The following PTPRN2 variants were observed in gnomAD, a reference collection of about 807,000 sequenced individuals.
PTPRN2 encodes the protein receptor-type tyrosine-protein phosphatase N2.
PTPRN2 carries 74 observed loss-of-function variants against 118.8 expected under a neutral mutation model. The observed-to-expected ratio is 0.62, with a 90% CI of 0.52 to 0.76. PTPRN2 has a LOEUF of 0.76. Ranked by LOEUF, PTPRN2 falls within the 30% of genes least tolerant of loss-of-function variation. The pLI, the probability that PTPRN2 is intolerant of heterozygous loss-of-function variation, is 0.00. For missense variants in PTPRN2, 1,481 were observed against 1,394.4 expected, an observed-to-expected ratio of 1.06 and a Z score of -0.99; for synonymous variants, 641 against 608.0, an observed-to-expected ratio of 1.05 and a Z score of -0.80.
At chr7:157,895,192 G>A (rs987757584) in intron 12 of PTPRN2, among the ~76,000 whole-genome samples, 1 of 150,768 alleles carries the variant, frequency 6.6e-6, no homozygotes, top group Non-Finnish European at 1.5e-5. Flanking sequence ...AGAGGATCTG[G>A]ACGAGACCAT....
At chr7:158,350,251 G>A (rs557922918) in intron 2 of PTPRN2, among the ~76,000 whole-genome samples, 5 of 152,234 alleles carry the variant, frequency 3.3e-5, no homozygotes, top group African/African-American at 4.8e-5. Context: ...AACATCAGCC[G>A]GCACTTCCAT....
intron 12 of PTPRN2, among the ~76,000 whole-genome samples, chr7:157,770,445 A>C (rs965930399): frequency 1.3e-5 from 2 of 152,188 alleles, no homozygotes; most frequent in African/African-American, 2.4e-5. Context: ...GTTAAACCGG[A>C]GGCTTTCTGC....
At chr7:157,912,992 T>G (rs1342846019) in intron 11 of PTPRN2, among the ~76,000 whole-genome samples, 1 of 152,228 alleles carries the variant, frequency 6.6e-6, no homozygotes, top group Non-Finnish European at 1.5e-5. Context: ...GTTTTTGGAT[T>G]TTTGTTAAAA....
At chr7:158,278,129 C>T (rs1051019183) in intron 3 of PTPRN2, among the ~76,000 whole-genome samples, 1 of 152,292 alleles carries the variant, frequency 6.6e-6, no homozygotes, top group East Asian at 1.9e-4. Context: ...GCCTGCCCCA[C>T]CAGCCTCAGC....
chr7:157,941,088 CCCG>C (rs1800066351), intron 11 of PTPRN2, among the ~76,000 whole-genome samples: 2 of 64,144 alleles, frequency 3.1e-5, no homozygotes, highest in African/African-American at 1.3e-4. Flanking sequence ...AACACCCTCC[CCCG>C]TGACACTGCA....
chr7:158,333,602 A>G (rs1205129164), intron 2 of PTPRN2, among the ~76,000 whole-genome samples: 1 of 150,654 alleles, frequency 6.6e-6, no homozygotes, highest in Non-Finnish European at 1.5e-5. Flanking sequence ...ACACACCCAC[A>G]CTCTCACTAT....
chr7:157,602,692 C>A (rs1178757454), intron 16 of PTPRN2, among the ~76,000 whole-genome samples: 1 of 151,990 alleles, frequency 6.6e-6, no homozygotes, highest in East Asian at 1.9e-4. Flanking sequence ...TCAGTGGCCG[C>A]TGAGACCAGC....
chr7:158,147,562 C>A (rs750853398), intron 6 of PTPRN2, among the ~76,000 whole-genome samples: 15 of 124,544 alleles, frequency 1.2e-4, no homozygotes, highest in East Asian at 4.7e-4. Flanking sequence ...TTCCCCCTCA[C>A]TGACACCCCA....
chr7:158,093,778 T>C lies in PTPRN2; in HGVS notation c.1644-12401A>G, dbSNP rs1814404246. 6.6e-6 allele frequency among the ~76,000 whole-genome samples: 1 copy of C among 152,192 alleles called. No individual in the cohort carries two copies. The highest frequency in any genetic ancestry group is 2.1e-4 in the South Asian group (1 of 4,832). On this transcript the variant is annotated intron_variant, in intron 10 of 22. Transcript: ENST00000389418. This position sits in a 1 kb window ranked among gnomAD's most constrained non-coding sequence, Gnocchi z 4.4. Reference sequence around the variant, plus strand: ...TTCCTGCCTCTCGTACATGAGGCAATAACTTCCCAAAATATCTAGCCTAAG... The same window carrying C: ...TTCCTGCCTCTCGTACATGAGGCAACAACTTCCCAAAATATCTAGCCTAAG...
chr7:157,600,588 T>C (rs1278189512), intron 16 of PTPRN2, among the ~76,000 whole-genome samples: 2 of 152,202 alleles, frequency 1.3e-5, no homozygotes, highest in African/African-American at 4.8e-5. Context: ...TCTGTGTTTT[T>C]AGTAGAGATG....
intron 2 of PTPRN2, among the ~76,000 whole-genome samples, chr7:158,379,546 G>A (rs956103567): frequency 1.1e-4 from 16 of 151,862 alleles, no homozygotes; most frequent in Admixed American, 5.2e-4. Context: ...AAACAACTCC[G>A]AACTCAAACT....
At chr7:157,803,378 C>T (rs369267327) in intron 12 of PTPRN2, among the ~76,000 whole-genome samples, 4 of 152,210 alleles carry the variant, frequency 2.6e-5, no homozygotes, top group Non-Finnish European at 5.9e-5. Flanking sequence ...CCCTACCTTT[C>T]GTGGGCTGCC....
At chr7:157,669,527 C>A in intron 13 of PTPRN2, 1 of 490,236 alleles carries the variant, frequency 2.0e-6, no homozygotes. Context: ...CACGACGACA[C>A]CCAGTCAGGG....
At chr7:157,545,162 G>C (rs1397387742) in intron 22 of PTPRN2, among the ~76,000 whole-genome samples, 1 of 150,954 alleles carries the variant, frequency 6.6e-6, no homozygotes, top group Non-Finnish European at 1.5e-5. Context: ...GGTGTGTGCA[G>C]TGTGTGGCTG....
At chr7:157,798,335 AC>A (rs1360068491) in intron 12 of PTPRN2, among the ~76,000 whole-genome samples, 2 of 152,226 alleles carry the variant, frequency 1.3e-5, no homozygotes, top group Non-Finnish European at 1.5e-5. Flanking sequence ...TCTGAGACGA[AC>A]CTGTGATTTG....
At chr7:158,139,457 C>T in intron 6 of PTPRN2, among the ~76,000 whole-genome samples, 1 of 152,034 alleles carries the variant, frequency 6.6e-6, no homozygotes, top group South Asian at 2.1e-4. Flanking sequence ...CTCAGTCACC[C>T]CTGGGGCATC....
intron 1 of PTPRN2, among the ~76,000 whole-genome samples, chr7:158,499,763 T>C (rs1822212541): frequency 6.6e-6 from 1 of 151,772 alleles, no homozygotes; most frequent in African/African-American, 2.4e-5. Flanking sequence ...GGAGCAAGAC[T>C]CCATCTCAAA....
chr7:158,168,694 C>T (rs1823253124), intron 5 of PTPRN2, among the ~76,000 whole-genome samples: 1 of 152,134 alleles, frequency 6.6e-6, no homozygotes, highest in South Asian at 2.1e-4. Context: ...CTAGTCAATG[C>T]CCTGGCTAAC....
chr7:158,562,679 C>CT (rs1827460791), intron 1 of PTPRN2, among the ~76,000 whole-genome samples: 2 of 152,154 alleles, frequency 1.3e-5, no homozygotes, highest in South Asian at 4.1e-4. Context: ...GCATGAAGCC[C>CT]TGTGTGCTTG....
Sources: gnomAD v4.1 joint callset for allele counts (sites outside exome capture counted in the v4.1 genomes callset) on GRCh38, gnomAD v4.1.1 for gene constraint, Gnocchi (gnomAD v3.1) non-coding constraint, MANE v1.5 for transcripts, NCBI Gene and HGNC (gene_info 2026-07-23, HGNC 2026-07-21) for gene names.